Variants in SPAG9 observed in about 807,000 individuals in gnomAD.
SPAG9 encodes sperm associated antigen 9, also known as C-Jun-amino-terminal kinase-interacting protein 4.
A neutral mutation model predicts 166.5 loss-of-function variants in SPAG9; 35 were observed. The ratio of observed to expected loss-of-function variants is 0.21; its 90% CI spans 0.16 to 0.28. The LOEUF is 0.28. SPAG9 is among the 10% of genes least tolerant of loss of function. SPAG9 has a pLI of 1.00. For synonymous variants in SPAG9, 534 were observed against 565.5 expected (o/e 0.94, Z 0.79); for missense variants, 1,235 against 1,603.3 (o/e 0.77, Z 3.92).
intron 3 of SPAG9, among the ~76,000 whole-genome samples, chr17:51,049,984 T>C (rs1275349836): frequency 1.3e-5 from 2 of 152,136 alleles, no homozygotes; most frequent in Non-Finnish European, 2.9e-5. Flanking sequence ...TCCTTAAGCA[T>C]TCAGATGAAG....
intron 2 of SPAG9, among the ~76,000 whole-genome samples, chr17:51,067,742 G>GA (rs986481359): frequency 8.1e-5 from 12 of 148,700 alleles, no homozygotes; most frequent in African/African-American, 1.7e-4. Context: ...TATCTAAAAA[G>GA]AAAAAAAAGG....
intron 1 of SPAG9, among the ~76,000 whole-genome samples, chr17:51,094,764 T>G (rs1278198808): frequency 2.6e-5 from 4 of 152,220 alleles, no homozygotes; most frequent in Non-Finnish European, 5.9e-5. Flanking sequence ...AATATATCTC[T>G]TAAGTCTCTT....
At chr17:50,969,154 T>A (rs1973582782) in intron 29 of SPAG9, among the ~76,000 whole-genome samples, 1 of 152,152 alleles carries the variant, frequency 6.6e-6, no homozygotes, top group African/African-American at 2.4e-5. Flanking sequence ...TTCTTTTAGC[T>A]CCTTGGGCGA....
In SPAG9 at chr17:51,120,829, C is replaced by A; in HGVS notation, c.-173G>T. On this transcript the variant is annotated 5_prime_UTR_variant, in exon 1 of 30. Coordinates refer to ENST00000262013, the MANE Select transcript of SPAG9 (RefSeq NM_001130528.3). This position sits in a 1 kb window ranked among gnomAD's most constrained non-coding sequence, Gnocchi z 4.7. ...CGGGGCCGGAGGAGGGGAGGGGTGG[C>A]GTAGGCGCTCTCACCCCAACCGCCG... 2.3e-6 allele frequency: 1 copy of A among 437,294 alleles called. No individual in the cohort carries two copies. Among genetic ancestry groups the A allele is most frequent in the Admixed American group, 4.6e-5 (1 of 21,648 alleles). 27.1% of individuals were successfully genotyped at this position (437,294 alleles called of 1,614,324 possible).
At chr17:51,071,792 T>A (rs959691222) in intron 2 of SPAG9, among the ~76,000 whole-genome samples, 6 of 152,220 alleles carry the variant, frequency 3.9e-5, no homozygotes, top group African/African-American at 1.4e-4. Context: ...GAGCAGAACT[T>A]GAATTTTTAT....
intron 19 of SPAG9, among the ~76,000 whole-genome samples, chr17:50,992,141 G>A (rs1271389392): frequency 6.6e-6 from 1 of 151,554 alleles, no homozygotes; most frequent in East Asian, 1.9e-4. Context: ...TCCCACCTTG[G>A]CCTCTGAAAG....
At chr17:51,008,387 A>G (rs996570794) in intron 9 of SPAG9, among the ~76,000 whole-genome samples, 2 of 151,924 alleles carry the variant, frequency 1.3e-5, no homozygotes, top group Non-Finnish European at 2.9e-5. Context: ...AAAACAAAAC[A>G]AAACAAAAAA....
In SPAG9 at chr17:50,984,952, C is replaced by A; in HGVS notation, c.3059G>T (p.Gly1020Val). The A allele has an allele frequency of 6.2e-7, 1 of 1,614,126 alleles. No individual in the cohort carries two copies. The highest frequency in any genetic ancestry group is 8.5e-7 in the Non-Finnish European group (1 of 1,179,990). ...TCCTCTGTGAAAGATTGCAAGGGTGCCGTCAGCCAGGGCTACTAACACGAT... is the reference window on the plus strand; with the variant it reads ...TCCTCTGTGAAAGATTGCAAGGGTGACGTCAGCCAGGGCTACTAACACGAT... Reference protein sequence around the residue: ...KGIVLVALADGTLAIFHRGVD... With the variant: ...KGIVLVALADVTLAIFHRGVD... The change falls in exon 24 of 30, where the codon GGC becomes GTC. Residue 1020 changes from glycine (G) to valine (V), a missense_variant. This residue lies in a region of SPAG9 where 493 missense variants were observed against 559.4 expected (regional missense o/e 0.88). Transcript: ENST00000262013.
chr17:51,045,629 T>C (rs2046992389), intron 4 of SPAG9, among the ~76,000 whole-genome samples: 1 of 152,086 alleles, frequency 6.6e-6, no homozygotes, highest in Non-Finnish European at 1.5e-5. Flanking sequence ...AAAAACTATA[T>C]ACTATGAACT....
At chr17:51,073,101 G>A (rs980567846) in intron 2 of SPAG9, among the ~76,000 whole-genome samples, 3 of 152,112 alleles carry the variant, frequency 2.0e-5, no homozygotes, top group South Asian at 2.1e-4. Flanking sequence ...AGAGGTGGGC[G>A]GATCACCAGA....
At position 51,065,221 on chromosome 17, in the gene SPAG9, C is replaced by T. The variant is rs533506707; in HGVS notation, c.425-8739G>A. Reference sequence around the variant, plus strand: ...ATTTTATTTTATTTTTAAATAGAGACAGGGTCTCGCTATTTTGCCCAGGCT... The same window carrying T: ...ATTTTATTTTATTTTTAAATAGAGATAGGGTCTCGCTATTTTGCCCAGGCT... On this transcript the variant is annotated intron_variant, in intron 2 of 29. Transcript: ENST00000262013. Among the ~76,000 whole-genome samples the T allele has an allele frequency of 4.3e-4, 66 of 152,056 alleles. 1 individual carries two copies. The highest frequency in any genetic ancestry group is 1.0e-4 in the Non-Finnish European group (7 of 68,012).
chr17:51,054,638 G>A (rs145076690), intron 3 of SPAG9, among the ~76,000 whole-genome samples: 8,661 of 151,624 alleles, frequency 0.057, 732 homozygotes, highest in African/African-American at 0.19. Context: ...GGGTTTCACC[G>A]TGTTAGCCAG....
intron 1 of SPAG9, among the ~76,000 whole-genome samples, chr17:51,094,391 C>T (rs2048555155): frequency 6.6e-6 from 1 of 152,178 alleles, no homozygotes; most frequent in South Asian, 2.1e-4. Context: ...AATTAATATA[C>T]TCAGAGACCA....
intron 16 of SPAG9, chr17:50,996,033 A>G (rs924891998): frequency 1.9e-5 from 3 of 159,772 alleles, no homozygotes; most frequent in African/African-American, 7.2e-5. Flanking sequence ...CAAGTTGAGC[A>G]ATTCAATAAA....
At chr17:51,026,380 G>T (rs1327119899) in intron 6 of SPAG9, among the ~76,000 whole-genome samples, 4 of 150,308 alleles carry the variant, frequency 2.7e-5, no homozygotes, top group Admixed American at 1.3e-4. Flanking sequence ...AACAGGAAAG[G>T]GACCATGATA....
At chr17:51,110,417 G>A (rs771310147) in intron 1 of SPAG9, among the ~76,000 whole-genome samples, 4 of 151,056 alleles carry the variant, frequency 2.6e-5, no homozygotes, top group South Asian at 4.2e-4. Context: ...CTAGCTGGAC[G>A]TGGTGGCTCA....
At chr17:50,992,899 C>A (rs538817370) in intron 19 of SPAG9, among the ~76,000 whole-genome samples, 7 of 151,962 alleles carry the variant, frequency 4.6e-5, no homozygotes, top group African/African-American at 1.4e-4. Flanking sequence ...AGTTCGAGAC[C>A]AACCTGGCCA....
At chr17:50,997,403 G>A (rs941188377) in intron 15 of SPAG9, among the ~76,000 whole-genome samples, 1 of 152,182 alleles carries the variant, frequency 6.6e-6, no homozygotes, top group Non-Finnish European at 1.5e-5. Flanking sequence ...CGTGCTAGAA[G>A]TGATTTAAAA....
At chr17:50,971,543 C>G (rs1414124505) in intron 28 of SPAG9, among the ~76,000 whole-genome samples, 1 of 137,264 alleles carries the variant, frequency 7.3e-6, no homozygotes, top group African/African-American at 2.7e-5. Context: ...TCTTGGCTCA[C>G]TGCAACCTCC....
Sources: allele counts gnomAD v4.1 joint callset (sites outside exome capture counted in the v4.1 genomes callset), GRCh38; gene constraint gnomAD v4.1.1; regional missense constraint gnomAD v4.1.1; non-coding constraint Gnocchi (gnomAD v3.1); transcripts MANE v1.5; gene names NCBI Gene and HGNC (gene_info 2026-07-23, HGNC 2026-07-21).